TMEM254: variants seen among roughly 807,000 people sequenced by gnomAD.
The protein encoded by TMEM254 is transmembrane protein C10orf57.
A neutral mutation model predicts 13.9 loss-of-function variants in TMEM254; 16 were observed. That is an observed-to-expected ratio of 1.15 (90% CI 0.78 to 1.75). The LOEUF is 1.75. TMEM254 is among the 40% of genes most tolerant of loss of function. The pLI is 0.00. For synonymous variants in TMEM254, 61 were observed against 56.4 expected, an observed-to-expected ratio of 1.08 and a Z score of -0.36; for missense variants, 155 against 149.0, an observed-to-expected ratio of 1.04 and a Z score of -0.21.
At chr10:80,082,973 T>C (rs377147675) in intron 3 of TMEM254, among the ~76,000 whole-genome samples, 1 of 152,174 alleles carries the variant, frequency 6.6e-6, no homozygotes, top group South Asian at 2.1e-4. Context: ...GAAAATAAGA[T>C]ACTGTATTGC....
In TMEM254 at chr10:80,090,885, G is replaced by T. The variant is rs1844550615; in HGVS notation, c.340G>T (p.Ala114Ser). Reference sequence around the variant, plus strand: ...GATAGCGTCTCTCACCATCTTGATTGCTTACAAACGGAAGCGCCAAAAACA... The same window carrying T: ...GATAGCGTCTCTCACCATCTTGATTTCTTACAAACGGAAGCGCCAAAAACA... ...FGIASLTILI[A>S]YKRKRQKQT The change falls in exon 4 of 4, where the codon GCT becomes TCT. Residue 114 changes from alanine (A) to serine (S), a missense_variant. By Grantham distance (99) the Ala-to-Ser change is moderately conservative. Coordinates refer to ENST00000372281, the MANE Select transcript of TMEM254 (RefSeq NM_025125.4). The T allele has an allele frequency of 1.2e-6, 2 of 1,613,920 alleles. No homozygotes were observed. Among genetic ancestry groups the T allele is most frequent in the Non-Finnish European group, 1.7e-6 (2 of 1,179,976 alleles).
Position 80,091,081 on chromosome 10 carries a change from T to C in TMEM254, c.*164T>C. 2.4e-6 allele frequency: 2 copies of C among 820,276 alleles called. No individual in the cohort carries two copies. Among genetic ancestry groups the C allele is most frequent in the Non-Finnish European group, 3.7e-6 (2 of 541,730 alleles). 50.8% of individuals were successfully genotyped at this position (820,276 alleles called of 1,614,324 possible). ...TTAGTCAGTTTTTTCTCTTATATGCTCTGGTTGAGCTTGAATAGACCAGTT... is the reference window on the plus strand; with the variant it reads ...TTAGTCAGTTTTTTCTCTTATATGCCCTGGTTGAGCTTGAATAGACCAGTT... On this transcript the variant is annotated 3_prime_UTR_variant, in exon 4 of 4. Transcript: ENST00000372281.
At chr10:80,079,068 T>G (rs1178788449) in intron 1 of TMEM254, 2 of 1,450,940 alleles carry the variant, frequency 1.4e-6, no homozygotes, top group Non-Finnish European at 1.8e-6. Context: ...CAACTCTGTG[T>G]CTGGGTTTTT....
At position 80,090,933 on chromosome 10, in the gene TMEM254, T is replaced by A; in HGVS notation, c.*16T>A. ...ACAAACTTGAAGTTGTCTGAAAGCT[T>A]GCTCTACACTTTTACATTCATCCTC... On this transcript the variant is annotated 3_prime_UTR_variant, in exon 4 of 4. Transcript: ENST00000372281. The A allele has an allele frequency of 6.2e-7, 1 of 1,612,980 alleles. No homozygotes were observed. The highest frequency in any genetic ancestry group is 8.5e-7 in the Non-Finnish European group (1 of 1,179,660).
Position 80,091,768 on chromosome 10 carries a change from C to T in TMEM254, c.*851C>T, listed in dbSNP as rs990189075. On this transcript the variant is annotated 3_prime_UTR_variant, in exon 4 of 4. Coordinates refer to ENST00000372281, the MANE Select transcript of TMEM254 (RefSeq NM_025125.4). ...TTGAACAAAGGAGGGAAACTGATTT[C>T]ACTTTCACTTGTTCATTATCATTCC... The T allele has an allele frequency of 6.6e-6, 1 of 152,232 alleles. No homozygotes were observed. Among genetic ancestry groups the T allele is most frequent in the East Asian group, 1.9e-4 (1 of 5,194 alleles). The allele number at this position is 152,232 out of a possible 1,614,324, so 9.4% of individuals were successfully genotyped here.
At chr10:80,090,393 TTC>T (rs1229775936) in intron 3 of TMEM254, 1 of 717,494 alleles carries the variant, frequency 1.4e-6, no homozygotes, top group Non-Finnish European at 2.6e-6. Context: ...AGAAAACTGA[TTC>T]TGAGAGATTC....
At chr10:80,084,469 C>A (rs114746372) in intron 3 of TMEM254, among the ~76,000 whole-genome samples, 99 of 152,328 alleles carry the variant, frequency 6.5e-4, no homozygotes, top group African/African-American at 2.4e-3. Flanking sequence ...GTGGGATAAT[C>A]TACAAGTGCA....
At chr10:80,079,007 C>G in intron 1 of TMEM254, 1 of 1,534,128 alleles carries the variant, frequency 6.5e-7, no homozygotes, top group Non-Finnish European at 8.8e-7. Flanking sequence ...GAGAAACCGG[C>G]TAGCCAGGCT....
intron 3 of TMEM254, chr10:80,086,155 G>T (rs1376905480): frequency 2.1e-6 from 2 of 967,374 alleles, no homozygotes. Flanking sequence ...ATCTGCTTGG[G>T]TCTTGGTGGA....
chr10:80,089,754 A>G (rs1025705011), intron 3 of TMEM254, among the ~76,000 whole-genome samples: 2 of 152,138 alleles, frequency 1.3e-5, no homozygotes, highest in Non-Finnish European at 2.9e-5. Flanking sequence ...CTGTAATACC[A>G]GCACTTTGGG....
At chr10:80,089,341 T>C (rs1430145104) in intron 3 of TMEM254, among the ~76,000 whole-genome samples, 1 of 152,166 alleles carries the variant, frequency 6.6e-6, no homozygotes, top group Non-Finnish European at 1.5e-5. Context: ...GGAAGTTCCA[T>C]TGTATTTCTA....
rs1470381481 is a variant in TMEM254, at chr10:80,091,871, G to T, written c.*954G>T. On this transcript the variant is annotated 3_prime_UTR_variant, in exon 4 of 4. Transcript: ENST00000372281. ...AAAAGCCCAAGTCTACCTTTGACTG[G>T]TACCACCTTTTTTGTGGTTTCGTTG... 1.3e-5 allele frequency: 2 copies of T among 152,142 alleles called. No individual in the cohort carries two copies. Among genetic ancestry groups the T allele is most frequent in the African/African-American group, 2.4e-5 (1 of 41,430 alleles). The allele number at this position is 152,142 out of a possible 1,614,324, so 9.4% of individuals were successfully genotyped here. A position where few individuals can be genotyped will look rare whatever the true frequency, so the allele number is the denominator to read the frequency against.
Position 80,091,597 on chromosome 10 carries a change from C to T in TMEM254, c.*680C>T, listed in dbSNP as rs886082280. The T allele has an allele frequency of 2.0e-5, 3 of 152,452 alleles. No individual in the cohort carries two copies. Among genetic ancestry groups the T allele is most frequent in the African/African-American group, 4.8e-5 (2 of 41,456 alleles). The allele number at this position is 152,452 out of a possible 1,614,324, so 9.4% of individuals were successfully genotyped here. A position where few individuals can be genotyped will look rare whatever the true frequency, so the allele number is the denominator to read the frequency against. ...GAAGTGATCCTTCCCTCCACCTGGCCCCTGGGACACTGTGCTCTGCAGTGT... is the reference window on the plus strand; with the variant it reads ...GAAGTGATCCTTCCCTCCACCTGGCTCCTGGGACACTGTGCTCTGCAGTGT... On this transcript the variant is annotated 3_prime_UTR_variant, in exon 4 of 4. Transcript: ENST00000372281.
intron 3 of TMEM254, among the ~76,000 whole-genome samples, chr10:80,085,448 C>G (rs184660615): frequency 1.3e-4 from 19 of 151,598 alleles, no homozygotes; most frequent in African/African-American, 4.6e-4. Context: ...ATACCTGTTA[C>G]CCCAGCTACT....
chr10:80,090,868 C>T lies in TMEM254; in HGVS notation c.323C>T (p.Ser108Phe). 1 of 1,614,116 alleles carries T rather than the reference C, an allele frequency of 6.2e-7. No individual in the cohort carries two copies. Among genetic ancestry groups the T allele is most frequent in the South Asian group, 1.1e-5 (1 of 91,078 alleles). ...FLQTFFFGIA[S>F]LTILIAYKRK... The stretch of plus-strand genomic sequence containing the variant: ...CAGACTTTCTTCTTTGGGATAGCGT[C>T]TCTCACCATCTTGATTGCTTACAAA... Residue 108 changes from serine (S) to phenylalanine (F), a missense_variant, in exon 4 of 4, where the codon TCT becomes TTT. Physicochemically the swap from Ser to Phe is radical, Grantham distance 155. Coordinates refer to ENST00000372281, the MANE Select transcript of TMEM254 (RefSeq NM_025125.4).
At chr10:80,086,786 A>G (rs1269760147) in intron 3 of TMEM254, among the ~76,000 whole-genome samples, 25 of 150,520 alleles carry the variant, frequency 1.7e-4, no homozygotes, top group Admixed American at 1.1e-3. Flanking sequence ...GGTTGCAGTG[A>G]GCCGAGATCG....
At chr10:80,087,143 A>G (rs1820223891) in intron 3 of TMEM254, among the ~76,000 whole-genome samples, 1 of 152,072 alleles carries the variant, frequency 6.6e-6, no homozygotes, top group Non-Finnish European at 1.5e-5. Context: ...AAACTTACCC[A>G]TCCATTAATA....
intron 3 of TMEM254, chr10:80,086,316 A>G (rs2132293128): frequency 3.0e-6 from 4 of 1,331,162 alleles, no homozygotes; most frequent in Non-Finnish European, 3.9e-6. Context: ...CGGGTTACCT[A>G]GCCACCAACT....
At chr10:80,084,453 C>A (rs1371743346) in intron 3 of TMEM254, among the ~76,000 whole-genome samples, 2 of 152,170 alleles carry the variant, frequency 1.3e-5, no homozygotes, top group Non-Finnish European at 2.9e-5. Flanking sequence ...CTTCCGTATC[C>A]CTCCAGTGGG....
Sources: allele counts gnomAD v4.1 joint callset (sites outside exome capture counted in the v4.1 genomes callset), GRCh38; gene constraint gnomAD v4.1.1; transcripts MANE v1.5; gene names NCBI Gene and HGNC (gene_info 2026-07-23, HGNC 2026-07-21).